PIK3C2G: variants seen among roughly 807,000 people sequenced by gnomAD.
PIK3C2G encodes phosphatidylinositol 3-kinase C2 domain-containing subunit gamma.
In PIK3C2G, 168 loss-of-function variants were observed where a neutral mutation model predicts 181.1. The observed-to-expected ratio is 0.93, with a 90% CI of 0.82 to 1.05. PIK3C2G has a LOEUF of 1.05. Among genes scored for constraint, PIK3C2G ranks in the 50% least tolerant of loss-of-function variants. PIK3C2G has a pLI of 0.00. For synonymous variants in PIK3C2G, 573 were observed against 592.2 expected (o/e 0.97, Z 0.47); for missense variants, 1,869 against 1,732.8 (o/e 1.08, Z -1.40).
chr12:18,618,352 C>T (rs1948696709), intron 31 of PIK3C2G, among the ~76,000 whole-genome samples: 1 of 152,152 alleles, frequency 6.6e-6, no homozygotes, highest in South Asian at 2.1e-4. Flanking sequence ...TCAGCCTAAT[C>T]CCTGAGCTGC....
intron 1 of PIK3C2G, among the ~76,000 whole-genome samples, chr12:18,280,394 A>G (rs1197660640): frequency 1.3e-5 from 2 of 152,088 alleles, no homozygotes; most frequent in African/African-American, 4.8e-5. Context: ...CCGGGCATTC[A>G]GAAGGTTTCT....
Position 18,335,421 on chromosome 12 carries a change from CT to C in PIK3C2G, c.1273-3003del, listed in dbSNP as rs533919701. Reference sequence around the variant, plus strand: ...CAACCCTGAGATTTATCTTGCCTTTCTTAAAATTTGTGTAATGTTTATATGA... The same window carrying C: ...CAACCCTGAGATTTATCTTGCCTTTCTAAAATTTGTGTAATGTTTATATGA... On this transcript the variant is annotated intron_variant, in intron 8 of 32. Coordinates refer to ENST00000538779, the MANE Select transcript of PIK3C2G (RefSeq NM_001288772.2). 7.0e-3 allele frequency among the ~76,000 whole-genome samples: 1,071 copies of C among 152,154 alleles called. 5 individuals are homozygous for C. The highest frequency in any genetic ancestry group is 9.7e-3 in the Non-Finnish European group (656 of 67,978).
chr12:18,711,490 A>T, the PIK3C2G span, among the ~76,000 whole-genome samples: 4,795 of 150,554 alleles, frequency 0.032, 262 homozygotes, highest in African/African-American at 0.11. Flanking sequence ...CATATGTAAC[A>T]AACCTGCACA....
rs143723472 is a variant in PIK3C2G, at chr12:18,418,197, A to G, written c.2316-2744A>G. Among the ~76,000 whole-genome samples, 511 of 152,326 alleles carry G rather than the reference A, an allele frequency of 3.4e-3. 16 individuals carry two copies. The highest frequency in any genetic ancestry group is 0.027 in the Admixed American group (418 of 15,296). ...AAGATAAATTCTAATACACACTGTCATATCTTAAGTGGGAGTCAACCAGTC... is the reference window on the plus strand; with the variant it reads ...AAGATAAATTCTAATACACACTGTCGTATCTTAAGTGGGAGTCAACCAGTC... On this transcript the variant is annotated intron_variant, in intron 16 of 32. Transcript: ENST00000538779.
chr12:18,576,268 G>A (rs527535637), intron 29 of PIK3C2G, among the ~76,000 whole-genome samples: 11 of 152,286 alleles, frequency 7.2e-5, no homozygotes, highest in African/African-American at 2.2e-4. Flanking sequence ...GAGAATGATC[G>A]TGGGAATCCT....
At chr12:18,339,224 T>G (rs1238306115) in intron 9 of PIK3C2G, among the ~76,000 whole-genome samples, 1 of 152,168 alleles carries the variant, frequency 6.6e-6, no homozygotes, top group Non-Finnish European at 1.5e-5. Flanking sequence ...ATTTATCTTA[T>G]TATTAGTTTA....
At chr12:18,693,331 C>A in the PIK3C2G span, 8 of 1,540,038 alleles carry the variant, frequency 5.2e-6, no homozygotes, top group African/African-American at 1.4e-5. Flanking sequence ...GAGACCTATG[C>A]AGATACTGGG....
chr12:18,266,582 A>T (rs1473289918), intron 1 of PIK3C2G, among the ~76,000 whole-genome samples: 1 of 152,132 alleles, frequency 6.6e-6, no homozygotes. Context: ...GGCCGGATGC[A>T]TGTTACTCAT....
upstream of PIK3C2G, among the ~76,000 whole-genome samples, chr12:18,260,739 G>C (rs1420116611): frequency 6.6e-6 from 1 of 152,030 alleles, no homozygotes; most frequent in Admixed American, 6.6e-5. Context: ...GGAAACAAGA[G>C]TAATCCAATT....
At chr12:18,493,605 T>C (rs1043560513) in intron 20 of PIK3C2G, 1 of 152,242 alleles carries the variant, frequency 6.6e-6, no homozygotes. Flanking sequence ...AATGATAGTG[T>C]GAAAGCTGTT....
intron 26 of PIK3C2G, among the ~76,000 whole-genome samples, chr12:18,556,921 C>T (rs930317634): frequency 6.6e-6 from 1 of 151,900 alleles, no homozygotes; most frequent in African/African-American, 2.4e-5. Context: ...AGTTTAAGAC[C>T]AGAACAAGAT....
chr12:18,707,564 G>A, the PIK3C2G span, among the ~76,000 whole-genome samples: 1 of 152,060 alleles, frequency 6.6e-6, no homozygotes, highest in Non-Finnish European at 1.5e-5. Context: ...CTGTTTTAAG[G>A]CTCACCTAAG....
chr12:18,281,269 A>C (rs1333822327), intron 1 of PIK3C2G, among the ~76,000 whole-genome samples: 2 of 25,964 alleles, frequency 7.7e-5, no homozygotes, highest in Admixed American at 3.2e-4. Context: ...CATAATAGGC[A>C]AAAAAAAAAA....
intron 32 of PIK3C2G, among the ~76,000 whole-genome samples, chr12:18,644,211 A>G (rs1045589253): frequency 1.3e-5 from 2 of 151,976 alleles, no homozygotes; most frequent in African/African-American, 4.8e-5. Flanking sequence ...TCATGTACAA[A>G]TCCCAGTGAT....
chr12:18,723,541 T>C, the PIK3C2G span: 1 of 1,610,892 alleles, frequency 6.2e-7, no homozygotes, highest in Non-Finnish European at 8.5e-7. Context: ...CCTGTCATTG[T>C]CCTACTAAAA....
At chr12:18,467,407 G>T (rs534430236) in intron 18 of PIK3C2G, among the ~76,000 whole-genome samples, 1 of 151,518 alleles carries the variant, frequency 6.6e-6, no homozygotes, top group East Asian at 1.9e-4. Context: ...ATCTACAATT[G>T]GTTTCCCTCT....
rs11044050 is a variant in PIK3C2G at position 18,365,694 on chromosome 12, C to T, written c.1748+2808C>T. 2.9e-3 allele frequency among the ~76,000 whole-genome samples: 438 copies of T among 152,278 alleles called. 1 individual carries two copies. Among genetic ancestry groups the T allele is most frequent in the Non-Finnish European group, 5.1e-3 (350 of 68,032 alleles). On this transcript the variant is annotated intron_variant, in intron 12 of 32. Transcript: ENST00000538779. ...TATGTCATTATTCCCTCACTTTTCT[C>T]TTACAGTTATATACCTTTAAATACA...
In PIK3C2G at chr12:18,251,162, T is replaced by C. The variant is rs376784376; in HGVS notation, c.-79+3080T>C. On this transcript the variant is annotated intron_variant, in intron 1 of 11. Transcript: ENST00000535651. ...CTACAGTAAATTGATCTGTTTTCTA[T>C]GCAAAGACAGATGGAGAACATCTGT... 5.9e-5 allele frequency among the ~76,000 whole-genome samples: 9 copies of C among 152,126 alleles called. No individual in the cohort carries two copies. In the South Asian group the frequency reaches 1.9e-3, roughly 32 times the overall value.
At chr12:18,625,844 CT>C (rs1242330766) in intron 31 of PIK3C2G, among the ~76,000 whole-genome samples, 18 of 151,720 alleles carry the variant, frequency 1.2e-4, no homozygotes, top group Non-Finnish European at 1.9e-4. Context: ...TACCCCTGCT[CT>C]TTTTTGGTTT....
Sources: allele counts gnomAD v4.1 joint callset (sites outside exome capture counted in the v4.1 genomes callset), GRCh38; gene constraint gnomAD v4.1.1; transcripts MANE v1.5; gene names NCBI Gene and HGNC (gene_info 2026-07-23, HGNC 2026-07-21).